The following REPS1 variants were observed in gnomAD, a reference collection of about 807,000 sequenced individuals.
REPS1 encodes ralBP1-associated Eps domain-containing protein 1.
In REPS1, 39 loss-of-function variants were observed where a neutral mutation model predicts 100.9. The observed-to-expected ratio is 0.39, with a 90% CI of 0.30 to 0.50. The LOEUF (loss-of-function observed/expected upper bound fraction) is 0.50. REPS1 is among the 20% of genes least tolerant of loss of function. The probability of loss-of-function intolerance (pLI) is 0.86; values close to 1 mark genes in which losing one functional copy is unlikely to be tolerated. For synonymous variants in REPS1, 324 were observed against 340.3 expected, an observed-to-expected ratio of 0.95 and a Z score of 0.53; for missense variants, 821 against 968.5, an observed-to-expected ratio of 0.85 and a Z score of 2.02.
chr6:138,962,209 T>A (rs968443157), intron 1 of REPS1, among the ~76,000 whole-genome samples: 1 of 152,154 alleles, frequency 6.6e-6, no homozygotes, highest in African/African-American at 2.4e-5. Context: ...TTTGTGTCCT[T>A]TAGCAAGTAG....
Position 138,908,712 on chromosome 6 carries a change from C to T in REPS1, c.2172G>A (p.Thr724=), listed in dbSNP as rs1382604753. ...ATGCAAGAACAGCAGCTAAGACACC[C>T]GTCTTTTGTGTATGTTCATCAACTT... ...RPEVDEHTQK[T]GVLAAVLASQ... The change falls in exon 18 of 20, where the codon ACG becomes ACA. Residue 724 remains threonine (T), a synonymous_variant. Transcript: ENST00000450536. 15 of 1,614,110 alleles carry T rather than the reference C, an allele frequency of 9.3e-6. No homozygotes were observed. The highest frequency in any genetic ancestry group is 6.7e-5 in the Admixed American group (4 of 60,018).
At chr6:138,948,839 C>G (rs1782806501) in intron 1 of REPS1, among the ~76,000 whole-genome samples, 1 of 151,804 alleles carries the variant, frequency 6.6e-6, no homozygotes, top group South Asian at 2.1e-4. Flanking sequence ...CACAGGACTT[C>G]AAAAAAAGGA....
chr6:138,906,732 C>T (rs552351934), intron 19 of REPS1, among the ~76,000 whole-genome samples: 12 of 152,330 alleles, frequency 7.9e-5, no homozygotes. Flanking sequence ...CCAGCATCTC[C>T]ACTGCCTGGA....
rs758590790 is a variant in REPS1 at position 138,941,492 on chromosome 6, A to G, written c.981-3T>C. On this transcript the variant is annotated splice_polypyrimidine_tract_variant and splice_region_variant and intron_variant, in intron 7 of 19. Coordinates refer to ENST00000450536, the MANE Select transcript of REPS1 (RefSeq NM_001286611.2). ...CTTTATCAAAGTCTGAGAGTTCCCT[A>G]GAAGATAAGTTTATTGTGAATATAA... 4.5e-5 allele frequency: 72 copies of G among 1,612,544 alleles called. No individual in the cohort carries two copies. Among genetic ancestry groups the G allele is most frequent in the Non-Finnish European group, 6.0e-5 (71 of 1,178,918 alleles).
intron 1 of REPS1, among the ~76,000 whole-genome samples, chr6:138,976,982 A>T (rs1784633983): frequency 6.6e-6 from 1 of 152,200 alleles, no homozygotes; most frequent in African/African-American, 2.4e-5. Flanking sequence ...TAAACTATGT[A>T]AGCAGTACAC....
At chr6:138,986,065 A>G (rs1242472827) in intron 1 of REPS1, among the ~76,000 whole-genome samples, 2 of 152,232 alleles carry the variant, frequency 1.3e-5, no homozygotes, top group Non-Finnish European at 2.9e-5. Flanking sequence ...AGAGTACCAT[A>G]GACCACACTA....
chr6:138,946,025 T>C (rs1782591402), intron 2 of REPS1, among the ~76,000 whole-genome samples: 1 of 152,156 alleles, frequency 6.6e-6, no homozygotes. Context: ...AAAGCTCCTA[T>C]TTACAGATAA....
intron 1 of REPS1, among the ~76,000 whole-genome samples, chr6:138,965,033 G>T (rs1430683882): frequency 6.6e-6 from 1 of 152,074 alleles, no homozygotes; most frequent in African/African-American, 2.4e-5. Flanking sequence ...AGTATATGTG[G>T]TTAAAGAGAT....
chr6:138,957,933 T>C (rs1265226314), intron 1 of REPS1, among the ~76,000 whole-genome samples: 1 of 152,152 alleles, frequency 6.6e-6, no homozygotes, highest in Non-Finnish European at 1.5e-5. Flanking sequence ...CAGAACAATA[T>C]AAATGTTATT....
At chr6:138,977,612 C>A (rs1275330727) in intron 1 of REPS1, among the ~76,000 whole-genome samples, 2 of 151,984 alleles carry the variant, frequency 1.3e-5, no homozygotes, top group East Asian at 3.8e-4. Context: ...TTTTTTATTG[C>A]AGAATAGTTT....
In REPS1 at chr6:138,920,274, T is replaced by A; in HGVS notation, c.1469A>T (p.Asp490Val). Residue 490 changes from aspartate to valine, a missense_variant, in exon 12 of 20, where the codon GAC (aspartate) becomes GTC (valine). Physicochemically the swap from Asp to Val is radical, Grantham distance 152 (BLOSUM62 -3). Transcript: ENST00000450536. The stretch of plus-strand genomic sequence containing the variant: ...ATTTATCTTATTTTCTTCTAAAAGG[T>A]CAGATGGTTTCACAAGTAATGGGCT... ...PTSPLLVKPSDLLEENKINSS... is the reference protein window; with the variant it reads ...PTSPLLVKPSVLLEENKINSS... 6.2e-7 allele frequency: 1 copy of A among 1,604,296 alleles called. No homozygotes were observed. The highest frequency in any genetic ancestry group is 8.5e-7 in the Non-Finnish European group (1 of 1,171,228).
At position 138,947,481 on chromosome 6, in the gene REPS1, T is replaced by C. The variant is rs368850135; in HGVS notation, c.277+309A>G. Among the ~76,000 whole-genome samples the C allele has an allele frequency of 3.9e-5, 6 of 152,354 alleles. No homozygotes were observed. The East Asian group carries it at 5.8e-4, about 15-fold the overall frequency. On this transcript the variant is annotated intron_variant, in intron 2 of 19. Coordinates refer to ENST00000450536, the MANE Select transcript of REPS1 (RefSeq NM_001286611.2). ...GGTCGCTGTAATTTATCATTTACCT[T>C]AATAAAACTATTCGCCTAAAATATT...
At chr6:138,922,118 ATT>A (rs1780815034) in intron 10 of REPS1, among the ~76,000 whole-genome samples, 1 of 152,190 alleles carries the variant, frequency 6.6e-6, no homozygotes, top group African/African-American at 2.4e-5. Flanking sequence ...AAAATAAACT[ATT>A]TCATGAGAAT....
intron 1 of REPS1, among the ~76,000 whole-genome samples, chr6:138,957,491 G>T (rs1473086706): frequency 6.6e-6 from 1 of 152,162 alleles, no homozygotes; most frequent in African/African-American, 2.4e-5. Flanking sequence ...ACTTTTAAAT[G>T]TTTATCTCCT....
At chr6:138,944,703 T>C (rs1782499772) in intron 4 of REPS1, 81 bp from the exon 5 acceptor site, 1 of 1,353,314 alleles carries the variant, frequency 7.4e-7, no homozygotes, top group African/African-American at 1.5e-5. Flanking sequence ...ACTCTTACTC[T>C]GAAGAAATCT....
chr6:138,912,708 A>T, intron 16 of REPS1, 57 bp downstream of exon 16: 1 of 1,519,084 alleles, frequency 6.6e-7, no homozygotes, highest in Non-Finnish European at 9.1e-7. Context: ...CTGTTGACAC[A>T]ACATGGTATG....
intron 1 of REPS1, among the ~76,000 whole-genome samples, chr6:138,982,572 T>A (rs981217393): frequency 6.6e-6 from 1 of 152,208 alleles, no homozygotes; most frequent in African/African-American, 2.4e-5. Context: ...TAAACTACTT[T>A]GGGAAAAGCT....
At chr6:138,975,480 G>T (rs1295164915) in intron 1 of REPS1, among the ~76,000 whole-genome samples, 2 of 152,176 alleles carry the variant, frequency 1.3e-5, no homozygotes, top group Non-Finnish European at 2.9e-5. Context: ...TTAAAGCCAA[G>T]ATTCCACAAA....
chr6:138,951,705 G>A (rs567784315), intron 1 of REPS1, among the ~76,000 whole-genome samples: 6 of 152,232 alleles, frequency 3.9e-5, no homozygotes, highest in African/African-American at 1.4e-4. Context: ...TGATACAGGT[G>A]AGGCAATAGC....
Sources: gnomAD v4.1 joint callset for allele counts (sites outside exome capture counted in the v4.1 genomes callset) on GRCh38, gnomAD v4.1.1 for gene constraint, MANE v1.5 for transcripts, NCBI Gene and HGNC (gene_info 2026-07-23, HGNC 2026-07-21) for gene names.